PTPRG: variants seen among roughly 807,000 people sequenced by gnomAD.
PTPRG encodes protein tyrosine phosphatase receptor type G.
In PTPRG, 102 loss-of-function variants were observed where a neutral mutation model predicts 165.3. The ratio of observed to expected loss-of-function variants is 0.62; its 90% CI spans 0.53 to 0.73. The LOEUF (loss-of-function observed/expected upper bound fraction) is 0.73, where lower values mean the gene tolerates loss of function less well. Ranked by LOEUF, PTPRG falls within the 30% of genes least tolerant of loss-of-function variation. PTPRG has a pLI of 0.00. For missense variants in PTPRG, 1,866 were observed against 1,861.4 expected (o/e 1.00, Z -0.05); for synonymous variants, 675 against 669.5 (o/e 1.01, Z -0.13).
chr3:61,646,700 T>C (rs1044987951), intron 1 of PTPRG, among the ~76,000 whole-genome samples: 2 of 152,218 alleles, frequency 1.3e-5, no homozygotes, highest in African/African-American at 4.8e-5. Flanking sequence ...GTTTTATGCA[T>C]TTTTTTCATA....
At chr3:61,593,977 C>T (rs760812298) in intron 1 of PTPRG, among the ~76,000 whole-genome samples, 26 of 152,112 alleles carry the variant, frequency 1.7e-4, no homozygotes, top group Non-Finnish European at 3.4e-4. Context: ...AGACGGACAG[C>T]TGTGTTTTAA....
chr3:61,744,530 A>G (rs1228750755), intron 1 of PTPRG, among the ~76,000 whole-genome samples: 2 of 152,256 alleles, frequency 1.3e-5, no homozygotes, highest in Non-Finnish European at 2.9e-5. Context: ...ATCCGAACAC[A>G]TAAAAGGTAC....
At position 61,638,591 on chromosome 3, in the gene PTPRG, G is replaced by GTTTTTTTTTTTTTTTTTTT. The variant is rs34396141; in HGVS notation, c.85+76228_85+76246dup. On this transcript the variant is annotated intron_variant, in intron 1 of 29. Coordinates refer to ENST00000474889, the MANE Select transcript of PTPRG (RefSeq NM_002841.4). ...AGGCACACACCACCATGCCTGGCTA[G>GTTTTTTTTTTTTTTTTTTT]TTTTTTTTTTTTTTTTTTTTTTTTT... Among the ~76,000 whole-genome samples the GTTTTTTTTTTTTTTTTTTT allele has an allele frequency of 6.8e-5, 4 of 58,716 alleles. 1 individual carries two copies. The highest frequency in any genetic ancestry group is 2.6e-4 in the African/African-American group (4 of 15,308). The allele number at this position is 58,716 out of a possible 152,430, so 38.5% of individuals were successfully genotyped here.
intron 1 of PTPRG, among the ~76,000 whole-genome samples, chr3:61,747,317 T>C (rs1425478533): frequency 1.3e-5 from 2 of 152,198 alleles, no homozygotes; most frequent in Non-Finnish European, 2.9e-5. Context: ...AGACAGTGTT[T>C]TACTCACTGT....
At chr3:62,017,171 G>A (rs6793897) in intron 4 of PTPRG, among the ~76,000 whole-genome samples, 67,471 of 151,926 alleles carry the variant, frequency 0.44, 15,505 homozygotes, top group East Asian at 0.63. Flanking sequence ...TAGGAAACCA[G>A]CATTCTTGTA....
rs140966511 is a variant in PTPRG, at chr3:61,919,883, C to T, written c.191-69742C>T. Among the ~76,000 whole-genome samples the T allele has an allele frequency of 9.9e-4, 151 of 152,264 alleles. 3 individuals are homozygous for T. The East Asian group carries it at 0.025, about 25-fold the overall frequency. On this transcript the variant is annotated intron_variant, in intron 2 of 29. Coordinates refer to ENST00000474889, the MANE Select transcript of PTPRG (RefSeq NM_002841.4). ...CCTTACAAAAGGCGAACAGTCCAGT[C>T]GTGGGCAAGGTTTAAGTAAAAGCAG...
chr3:61,721,886 T>G (rs78109606), intron 1 of PTPRG, among the ~76,000 whole-genome samples: 3,718 of 152,278 alleles, frequency 0.024, 52 homozygotes, highest in South Asian at 0.039. Flanking sequence ...TGGAACCTCA[T>G]ATTGTTTCTG....
chr3:62,065,387 A>T (rs1238752862), intron 4 of PTPRG, among the ~76,000 whole-genome samples: 2 of 152,162 alleles, frequency 1.3e-5, no homozygotes, highest in African/African-American at 4.8e-5. Context: ...ATGGTTGTAG[A>T]TGGAACCATA....
chr3:62,250,629 T>C (rs1701389264), intron 15 of PTPRG, among the ~76,000 whole-genome samples: 1 of 152,230 alleles, frequency 6.6e-6, no homozygotes, highest in African/African-American at 2.4e-5. Context: ...CTAACAGTTC[T>C]GAAGATGCAA....
chr3:61,644,140 T>C (rs1702138059), intron 1 of PTPRG, among the ~76,000 whole-genome samples: 1 of 152,196 alleles, frequency 6.6e-6, no homozygotes, highest in Non-Finnish European at 1.5e-5. Flanking sequence ...GTTCTTGGAG[T>C]GATAAAGAAG....
At position 61,781,736 on chromosome 3, in the gene PTPRG, T is replaced by C. The variant is rs567488258; in HGVS notation, c.190+32754T>C. ...TAAATTAACAGAATTTATTAATTTC[T>C]CTTTTTTTTGAGATAGGGTCTTACT... On this transcript the variant is annotated intron_variant, in intron 2 of 29. Coordinates refer to ENST00000474889, the MANE Select transcript of PTPRG (RefSeq NM_002841.4). Among the ~76,000 whole-genome samples the C allele has an allele frequency of 1.1e-4, 16 of 152,260 alleles. No homozygotes were observed. The South Asian group carries it at 3.3e-3, about 32-fold the overall frequency.
At chr3:61,968,384 C>T (rs541352314) in intron 2 of PTPRG, among the ~76,000 whole-genome samples, 11 of 152,172 alleles carry the variant, frequency 7.2e-5, no homozygotes, top group East Asian at 5.8e-4. Context: ...CCCTTTTTGA[C>T]GCTAAGAATA....
intron 4 of PTPRG, among the ~76,000 whole-genome samples, chr3:62,058,621 G>A (rs1241442555): frequency 6.6e-6 from 1 of 152,104 alleles, no homozygotes; most frequent in African/African-American, 2.4e-5. Context: ...GGGAGTTTAT[G>A]TCCTGAGTAT....
chr3:61,704,924 C>T (rs766022795), intron 1 of PTPRG, among the ~76,000 whole-genome samples: 9 of 152,214 alleles, frequency 5.9e-5, no homozygotes, highest in Non-Finnish European at 1.0e-4. Flanking sequence ...TTTCTGCTAC[C>T]TGCTCATTTG....
intron 1 of PTPRG, among the ~76,000 whole-genome samples, chr3:61,676,480 T>C (rs1172212610): frequency 1.8e-5 from 1 of 54,162 alleles, no homozygotes; most frequent in Non-Finnish European, 4.1e-5. Context: ...AAAAAGAAAA[T>C]TACTAAAGTC....
intron 5 of PTPRG, chr3:62,124,159 G>C: frequency 1.5e-6 from 1 of 672,222 alleles, no homozygotes; most frequent in Non-Finnish European, 2.6e-6. Flanking sequence ...CTGTGAATTT[G>C]TTGTTGTCGT....
chr3:61,605,716 A>G (rs993675651), intron 1 of PTPRG, among the ~76,000 whole-genome samples: 2 of 152,064 alleles, frequency 1.3e-5, no homozygotes, highest in African/African-American at 4.8e-5. Flanking sequence ...CTACGGGCAC[A>G]CACCACCATG....
At position 61,604,552 on chromosome 3, in the gene PTPRG, C is replaced by A. The variant is rs749060093; in HGVS notation, c.85+42180C>A. 3.3e-5 allele frequency among the ~76,000 whole-genome samples: 5 copies of A among 152,184 alleles called. No homozygotes were observed. The East Asian group carries it at 9.6e-4, about 29-fold the overall frequency. Reference sequence around the variant, plus strand: ...GGTATTATTCTTTGTCACATCAGTTCTCCTTTAACCCTCTCAACCAGCCTG... The same window carrying A: ...GGTATTATTCTTTGTCACATCAGTTATCCTTTAACCCTCTCAACCAGCCTG... On this transcript the variant is annotated intron_variant, in intron 1 of 29. Transcript: ENST00000474889.
chr3:61,650,574 G>A (rs1702323132), intron 1 of PTPRG, among the ~76,000 whole-genome samples: 1 of 152,220 alleles, frequency 6.6e-6, no homozygotes, highest in South Asian at 2.1e-4. Context: ...GATGATAACT[G>A]AGTAAGAAAG....
Sources: gnomAD v4.1 joint callset for allele counts (sites outside exome capture counted in the v4.1 genomes callset) on GRCh38, gnomAD v4.1.1 for gene constraint, MANE v1.5 for transcripts, NCBI Gene and HGNC (gene_info 2026-07-23, HGNC 2026-07-21) for gene names.